Variants in PXK observed in about 807,000 individuals in gnomAD.
The protein encoded by PXK is PX domain-containing protein kinase-like protein.
Under a neutral mutation model 84.7 loss-of-function variants are expected in PXK, and 35 were observed. The ratio of observed to expected loss-of-function variants is 0.41; its 90% confidence interval spans 0.32 to 0.55. PXK has a LOEUF of 0.55. Among genes scored for constraint, PXK ranks in the 20% least tolerant of loss-of-function variants. PXK has a pLI of 0.21. For synonymous variants in PXK, 253 were observed against 260.8 expected (o/e 0.97, Z 0.29); for missense variants, 634 against 699.7 (o/e 0.91, Z 1.06).
chr3:58,333,006 G>A lies in PXK; in HGVS notation c.18G>A (p.Lys6=). 2.9e-6 allele frequency: 4 copies of A among 1,368,570 alleles called. No individual in the cohort carries two copies. Among genetic ancestry groups the A allele is most frequent in the Non-Finnish European group, 3.8e-6 (4 of 1,048,170 alleles). The allele number at this position is 1,368,570 out of a possible 1,614,324, so 84.8% of individuals were successfully genotyped here. ...GTCCCGGGATGGCCTTCATGGAGAA[G>A]CCGCCAGCCGGCAAGGTGCTGCTGG... is the stretch of plus-strand genomic sequence containing the variant. MAFME[K]PPAGKVLLDD... Residue 6 remains lysine, a synonymous_variant, in exon 1 of 18, where the codon AAG becomes AAA. Transcript: ENST00000356151. The surrounding 1 kb of genome is among the most constrained non-coding windows in gnomAD (Gnocchi z 5.4).
intron 12 of PXK, among the ~76,000 whole-genome samples, chr3:58,402,943 C>T (rs1273409742): frequency 6.6e-6 from 1 of 151,794 alleles, no homozygotes; most frequent in African/African-American, 2.4e-5. Flanking sequence ...ATTTCTGCTG[C>T]TCTCCCCACC....
At chr3:58,395,909 A>G in intron 9 of PXK, 150 bp downstream of exon 9, 1 of 609,316 alleles carries the variant, frequency 1.6e-6, no homozygotes, top group South Asian at 2.4e-5. Context: ...TCAAAAAGTA[A>G]ATATTTGAGA....
chr3:58,339,641 A>T (rs1299140552), intron 1 of PXK, among the ~76,000 whole-genome samples: 2 of 152,058 alleles, frequency 1.3e-5, no homozygotes, highest in Non-Finnish European at 2.9e-5. Context: ...TAAGAATATA[A>T]ATCCGAGTAC....
intron 3 of PXK, among the ~76,000 whole-genome samples, chr3:58,378,609 A>G (rs1196716738): frequency 7.1e-6 from 1 of 140,558 alleles, no homozygotes; most frequent in Non-Finnish European, 1.5e-5. Flanking sequence ...ATCTCAGCTC[A>G]CCGCAACCTC....
Position 58,425,012 on chromosome 3 carries a change from C to T in PXK, c.*52C>T, listed in dbSNP as rs772739529. 85 of 1,594,898 alleles carry T rather than the reference C, an allele frequency of 5.3e-5. No individual in the cohort carries two copies. The highest frequency in any genetic ancestry group is 6.9e-5 in the Non-Finnish European group (81 of 1,170,170). On this transcript the variant is annotated 3_prime_UTR_variant, in exon 18 of 18. Transcript: ENST00000356151. ...AAGTTCTTTTTTATTCCTACTCACC[C>T]CTACCCCCCAAACTACCCTCTTCCT...
intron 1 of PXK, among the ~76,000 whole-genome samples, chr3:58,355,133 G>GA (rs35563568): frequency 4.7e-4 from 28 of 59,872 alleles, no homozygotes; most frequent in South Asian, 1.3e-3. Flanking sequence ...CAAAGAAAAG[G>GA]AAAAAAAAAA....
chr3:58,381,080 C>T (rs1026930833), intron 3 of PXK, among the ~76,000 whole-genome samples: 1 of 151,918 alleles, frequency 6.6e-6, no homozygotes, highest in Non-Finnish European at 1.5e-5. Context: ...AATCCCGTCT[C>T]TACTAAAAAT....
intron 13 of PXK, among the ~76,000 whole-genome samples, chr3:58,405,061 C>T (rs1021569217): frequency 2.6e-5 from 4 of 152,198 alleles, no homozygotes; most frequent in African/African-American, 4.8e-5. Context: ...TACTAGACCT[C>T]GCTCTTCCCC....
intron 2 of PXK, among the ~76,000 whole-genome samples, chr3:58,369,072 C>T (rs992252990): frequency 2.5e-5 from 3 of 122,226 alleles, no homozygotes; most frequent in African/African-American, 9.1e-5. Flanking sequence ...GCTTTGATTC[C>T]ATGCTCAGTA....
At chr3:58,367,192 C>G (rs2108461630) in intron 2 of PXK, among the ~76,000 whole-genome samples, 1 of 152,032 alleles carries the variant, frequency 6.6e-6, no homozygotes, top group South Asian at 2.1e-4. Context: ...GGCCAACACT[C>G]CTATAACAGA....
intron 1 of PXK, among the ~76,000 whole-genome samples, chr3:58,348,810 G>T (rs1378104777): frequency 6.6e-6 from 1 of 152,024 alleles, no homozygotes; most frequent in Non-Finnish European, 1.5e-5. Context: ...CTACTCAGGA[G>T]GTTGAGTAGA....
At chr3:58,376,275 C>A (rs1458307122) in intron 3 of PXK, among the ~76,000 whole-genome samples, 1 of 151,966 alleles carries the variant, frequency 6.6e-6, no homozygotes, top group Non-Finnish European at 1.5e-5. Context: ...ATTAGCCAGG[C>A]GTGGTGGCAG....
chr3:58,369,473 T>C lies in PXK; in HGVS notation c.196T>C (p.Leu66=). Residue 66 remains leucine (L), a synonymous_variant, in exon 3 of 18, where the codon TTA becomes CTA. Coordinates refer to ENST00000356151, the MANE Select transcript of PXK (RefSeq NM_017771.5). ...TGACTTTGATTTGCTTAACAACAGC[T>C]TACAGGTAAATGTTTTGAAATTCTA... is the stretch of plus-strand genomic sequence containing the variant. ...YSDFDLLNNS[L]QIAGLSLPLP... is the part of the protein sequence containing the mutation. 1 of 1,608,226 alleles carries C rather than the reference T, an allele frequency of 6.2e-7. No homozygotes were observed. The highest frequency in any genetic ancestry group is 8.5e-7 in the Non-Finnish European group (1 of 1,174,826).
At chr3:58,395,900 C>T in intron 9 of PXK, 141 bp downstream of exon 9, 1 of 638,410 alleles carries the variant, frequency 1.6e-6, no homozygotes, top group Non-Finnish European at 2.6e-6. Flanking sequence ...TATTTTGCCT[C>T]AAAAAGTAAA....
Position 58,339,227 on chromosome 3 carries a change from TG to T in PXK, c.102+6138del, listed in dbSNP as rs1256028768. 1.2e-4 allele frequency among the ~76,000 whole-genome samples: 14 copies of T among 118,474 alleles called. 1 individual carries two copies. Among genetic ancestry groups the T allele is most frequent in the African/African-American group, 5.0e-4 (13 of 25,952 alleles). 77.7% of individuals were successfully genotyped at this position (118,474 alleles called of 152,430 possible). A position where few individuals can be genotyped will look rare whatever the true frequency, so the allele number is the denominator to read the frequency against. ...TTGGGTTTTGTGGGGGGTTTTTTTTTGTTTTTTTTTGTTTTTTTTTTTAGAC... is the reference window on the plus strand; with the variant it reads ...TTGGGTTTTGTGGGGGGTTTTTTTTTTTTTTTTTTGTTTTTTTTTTTAGAC... On this transcript the variant is annotated intron_variant, in intron 1 of 17. Transcript: ENST00000356151.
Position 58,409,237 on chromosome 3 carries a change from C to G in PXK, c.1308+236C>G, listed in dbSNP as rs1447605055. On this transcript the variant is annotated intron_variant, in intron 14 of 17. Coordinates refer to ENST00000356151, the MANE Select transcript of PXK (RefSeq NM_017771.5). This position sits in a 1 kb window ranked among gnomAD's most constrained non-coding sequence, Gnocchi z 4.2. ...AGGAAGGGCAGTCTGGGTTTCTGAT[C>G]AGAGCATGCCGGCCGGTGATAGTTG... Among the ~76,000 whole-genome samples, 1 of 152,162 alleles carries G rather than the reference C, an allele frequency of 6.6e-6. No homozygotes were observed. The highest frequency in any genetic ancestry group is 1.5e-5 in the Non-Finnish European group (1 of 68,030).
chr3:58,335,606 G>A (rs759552252), intron 1 of PXK, among the ~76,000 whole-genome samples: 12 of 139,698 alleles, frequency 8.6e-5, no homozygotes, highest in Non-Finnish European at 1.5e-4. Context: ...TGTTCCAGAA[G>A]TCAGAGCTCT....
intron 1 of PXK, among the ~76,000 whole-genome samples, chr3:58,342,018 A>G (rs2097742478): frequency 6.6e-6 from 1 of 151,592 alleles, no homozygotes; most frequent in African/African-American, 2.4e-5. Flanking sequence ...ACTTTTCAGT[A>G]CCCCAAAAAG....
chr3:58,378,011 A>C (rs989157314), intron 3 of PXK, among the ~76,000 whole-genome samples: 2 of 152,180 alleles, frequency 1.3e-5, no homozygotes, highest in African/African-American at 4.8e-5. Context: ...CAGATCCCCA[A>C]ATCTCCCATG....
Sources: allele counts gnomAD v4.1 joint callset (sites outside exome capture counted in the v4.1 genomes callset), GRCh38; gene constraint gnomAD v4.1.1; non-coding constraint Gnocchi (gnomAD v3.1); transcripts MANE v1.5; gene names NCBI Gene and HGNC (gene_info 2026-07-23, HGNC 2026-07-21).